OPA1: variants seen among roughly 807,000 people sequenced by gnomAD.
OPA1 encodes the protein dynamin-like GTPase OPA1, mitochondrial.
Under a neutral mutation model 152.9 loss-of-function variants are expected in OPA1, and 59 were observed. The ratio of observed to expected loss-of-function variants is 0.39; its 90% CI spans 0.31 to 0.48. OPA1 has a LOEUF of 0.48. Ranked by LOEUF, OPA1 falls within the 20% of genes least tolerant of loss-of-function variation. The pLI is 0.96. For synonymous variants in OPA1, 400 were observed against 389.9 expected (o/e 1.03, Z -0.31); for missense variants, 1,008 against 1,216.8 (o/e 0.83, Z 2.55).
At chr3:193,628,330 A>G (rs777028938) in intron 7 of OPA1, among the ~76,000 whole-genome samples, 1 of 152,132 alleles carries the variant, frequency 6.6e-6, no homozygotes, top group Non-Finnish European at 1.5e-5. Context: ...TAGAACTACC[A>G]TTGGTAGTTT....
At chr3:193,656,175 A>G (rs1160748173) in intron 22 of OPA1, among the ~76,000 whole-genome samples, 1 of 152,094 alleles carries the variant, frequency 6.6e-6, no homozygotes, top group Non-Finnish European at 1.5e-5. Context: ...ATATTTTCAC[A>G]TCCTAAGGTT....
At position 193,614,761 on chromosome 3, in the gene OPA1, T is replaced by A. The variant is rs555053360; in HGVS notation, c.71T>A (p.Ile24Lys). The change falls in exon 2 of 31, where the codon ATA becomes AAA. Residue 24 changes from isoleucine (I) to lysine (K), a missense_variant. By Grantham distance (102) the Ile-to-Lys change is moderately radical. Transcript: ENST00000361510. The stretch of plus-strand genomic sequence containing the variant: ...TCTTTAGTGAAACACAGCTCTGGAA[T>A]AAAAGGAAGTTTACCACTACAAAAA... Reference protein sequence around the residue: ...CQSLVKHSSGIKGSLPLQKLH... With the variant: ...CQSLVKHSSGKKGSLPLQKLH... The A allele has an allele frequency of 6.2e-7, 1 of 1,614,122 alleles. No homozygotes were observed. The highest frequency in any genetic ancestry group is 1.1e-5 in the South Asian group (1 of 91,086).
intron 22 of OPA1, among the ~76,000 whole-genome samples, chr3:193,656,636 G>A (rs1447604219): frequency 1.3e-5 from 2 of 152,146 alleles, no homozygotes; most frequent in Non-Finnish European, 2.9e-5. Flanking sequence ...ATGTCTTAGA[G>A]GTTGAAATAA....
intron 3 of OPA1, 149 bp from the exon 4 acceptor site, chr3:193,617,029 A>C: frequency 1.7e-6 from 1 of 585,604 alleles, no homozygotes. Context: ...TGTGTACCTT[A>C]GTTTCTCATC....
At chr3:193,669,637 T>C (rs993006299) in intron 29 of OPA1, among the ~76,000 whole-genome samples, 3 of 152,248 alleles carry the variant, frequency 2.0e-5, no homozygotes, top group African/African-American at 7.2e-5. Context: ...TGTCACAGTG[T>C]ATACAAATAT....
chr3:193,621,469 A>G (rs1378878245), intron 6 of OPA1, among the ~76,000 whole-genome samples: 1 of 152,238 alleles, frequency 6.6e-6, no homozygotes. Flanking sequence ...AAGTCTACAG[A>G]AAGCATAGAT....
chr3:193,676,508 A>G (rs555516016), intron 29 of OPA1, among the ~76,000 whole-genome samples: 8 of 152,230 alleles, frequency 5.3e-5, no homozygotes, highest in Non-Finnish European at 1.2e-4. Flanking sequence ...GAGTTGATAC[A>G]AAGATAAAGT....
At chr3:193,616,024 C>T (rs917325497) in intron 3 of OPA1, among the ~76,000 whole-genome samples, 3 of 152,098 alleles carry the variant, frequency 2.0e-5, no homozygotes, top group African/African-American at 7.2e-5. Flanking sequence ...ATCTTTTTAA[C>T]TTATCGATTG....
rs6778054 is a variant in OPA1 at position 193,613,589 on chromosome 3, T to G, written c.33-1134T>G. 8.1e-3 allele frequency among the ~76,000 whole-genome samples: 1,238 copies of G among 152,128 alleles called. 12 individuals carry two copies. Among genetic ancestry groups the G allele is most frequent in the East Asian group, 0.024 (125 of 5,170 alleles). On this transcript the variant is annotated intron_variant, in intron 1 of 30. Coordinates refer to ENST00000361510, the MANE Select transcript of OPA1 (RefSeq NM_130837.3). ...TTTTTTTTTGTTTGTTTGTTTGTTT[T>G]TTTTTGGAGGTGGAGTCTCACTCTG...
chr3:193,697,137 A>G lies in OPA1; in HGVS notation c.*2537A>G, dbSNP rs898113250. The G allele has an allele frequency of 1.3e-5, 2 of 152,218 alleles. No homozygotes were observed. Among genetic ancestry groups the G allele is most frequent in the African/African-American group, 4.8e-5 (2 of 41,452 alleles). 9.4% of individuals were successfully genotyped at this position (152,218 alleles called of 1,614,324 possible). A position where few individuals can be genotyped will look rare whatever the true frequency, so the allele number is the denominator to read the frequency against. ...TTTGACATAGGATGAGAGTCAGAGT[A>G]TAGGTTTAAAAGATAAAATCTTTAG... is the stretch of plus-strand genomic sequence containing the variant. On this transcript the variant is annotated 3_prime_UTR_variant, in exon 31 of 31. Coordinates refer to ENST00000361510, the MANE Select transcript of OPA1 (RefSeq NM_130837.3).
chr3:193,614,051 G>T (rs936250391), intron 1 of OPA1: 3 of 503,438 alleles, frequency 6.0e-6, no homozygotes, highest in African/African-American at 5.9e-5. Context: ...ATTCTCTTCA[G>T]GAAGAAGAAG....
chr3:193,668,595 G>T, intron 29 of OPA1: 1 of 1,539,016 alleles, frequency 6.5e-7, no homozygotes, highest in Non-Finnish European at 8.8e-7. Context: ...TCTTTACCCT[G>T]CCTGTGCTTC....
rs773419160 is a variant in OPA1, at chr3:193,658,992, G to A, written c.2437G>A (p.Asp813Asn). The change falls in exon 24 of 31, where the codon GAT (aspartate) becomes AAT (asparagine). Residue 813 changes from aspartate to asparagine, a missense_variant. Physicochemically the swap from Asp to Asn is conservative, Grantham distance 23. Coordinates refer to ENST00000361510, the MANE Select transcript of OPA1 (RefSeq NM_130837.3). ...AGAGGCTCTGCAGGCTCGTCTCAAGGATAGTAAGTGGAGACACGGCTTATT... is the reference window on the plus strand; with the variant it reads ...AGAGGCTCTGCAGGCTCGTCTCAAGAATAGTAAGTGGAGACACGGCTTATT... ...MEEALQARLKDTENAIENMVG... is the reference protein window; with the variant it reads ...MEEALQARLKNTENAIENMVG... 6.2e-7 allele frequency: 1 copy of A among 1,602,516 alleles called. No homozygotes were observed. The highest frequency in any genetic ancestry group is 1.1e-5 in the South Asian group (1 of 90,820).
At chr3:193,648,744 TA>T in intron 20 of OPA1, 50 bp from the exon 21 acceptor site, 1 of 1,267,778 alleles carries the variant, frequency 7.9e-7, no homozygotes, top group East Asian at 2.3e-5. Context: ...CATGACAGGG[TA>T]AATTTACTGT....
In OPA1 at chr3:193,614,056, A is replaced by T. The variant is rs777241520; in HGVS notation, c.33-667A>T. The T allele has an allele frequency of 2.7e-4, 134 of 502,402 alleles. 1 individual carries two copies. Among genetic ancestry groups the T allele is most frequent in the Admixed American group, 1.4e-4 (7 of 49,428 alleles). The allele number at this position is 502,402 out of a possible 1,614,324, so 31.1% of individuals were successfully genotyped here. A position where few individuals can be genotyped will look rare whatever the true frequency, so the allele number is the denominator to read the frequency against. Reference sequence around the variant, plus strand: ...GTAACCTTTCATTCTCTTCAGGAAGAAGAAGAGGGTGGAGCTCTACAGTCA... The same window carrying T: ...GTAACCTTTCATTCTCTTCAGGAAGTAGAAGAGGGTGGAGCTCTACAGTCA... On this transcript the variant is annotated intron_variant, in intron 1 of 30. Transcript: ENST00000361510.
intron 10 of OPA1, 68 bp downstream of exon 10, chr3:193,637,349 T>A (rs989937772): frequency 1.1e-6 from 1 of 894,848 alleles, no homozygotes; most frequent in Non-Finnish European, 1.9e-6. Flanking sequence ...TCCTAAAAAT[T>A]ATGTGTATAT....
At chr3:193,635,563 C>T (rs921142475) in intron 9 of OPA1, 41 bp downstream of exon 9, 2 of 1,192,782 alleles carry the variant, frequency 1.7e-6, no homozygotes, top group East Asian at 2.3e-5. Flanking sequence ...AATTTTACCG[C>T]TTAACGTTGT....
At chr3:193,668,349 A>G (rs922825389) in intron 29 of OPA1, 3 of 1,551,414 alleles carry the variant, frequency 1.9e-6, no homozygotes, top group East Asian at 2.4e-5. Flanking sequence ...ACTCAACACT[A>G]CACACCAGGC....
At chr3:193,630,680 T>A (rs1206002179) in intron 7 of OPA1, among the ~76,000 whole-genome samples, 1 of 152,174 alleles carries the variant, frequency 6.6e-6, no homozygotes, top group Non-Finnish European at 1.5e-5. Context: ...TTTACAAGTT[T>A]TGATTTTCAG....
Sources: allele counts gnomAD v4.1 joint callset (sites outside exome capture counted in the v4.1 genomes callset), GRCh38; gene constraint gnomAD v4.1.1; transcripts MANE v1.5; gene names NCBI Gene and HGNC (gene_info 2026-07-23, HGNC 2026-07-21).